The following RBFOX1 variants were observed in gnomAD, a reference collection of about 807,000 sequenced individuals.
RBFOX1 encodes RNA binding protein fox-1 homolog 1.
Under a neutral mutation model 57.7 loss-of-function variants are expected in RBFOX1, and 8 were observed. That is an observed-to-expected ratio of 0.14 (90% CI 0.08 to 0.25). The LOEUF is 0.25. RBFOX1 is among the 10% of genes least tolerant of loss of function. The pLI, the probability that RBFOX1 is intolerant of heterozygous loss-of-function variation, is 1.00. For missense variants in RBFOX1, 611 were observed against 548.5 expected, an observed-to-expected ratio of 1.11 and a Z score of -1.14; for synonymous variants, 326 against 222.4, an observed-to-expected ratio of 1.47 and a Z score of -4.15.
chr16:7,307,561 G>GTGT (rs1176207669), intron 4 of RBFOX1, among the ~76,000 whole-genome samples: 1 of 152,206 alleles, frequency 6.6e-6, no homozygotes, highest in Non-Finnish European at 1.5e-5. Flanking sequence ...ATCTAGATAA[G>GTGT]TGTTTACTTA....
In RBFOX1 at chr16:6,238,417, A is replaced by G. The variant is rs575112150; in HGVS notation, c.-126-78578A>G. On this transcript the variant is annotated intron_variant, in intron 1 of 15. Coordinates refer to ENST00000550418, the MANE Select transcript of RBFOX1 (RefSeq NM_018723.4). ...TTATTTCTGATACTGGAGAATTTAAATAGTGACTCTCCTCGTAGGATGCCT... is the reference window on the plus strand; with the variant it reads ...TTATTTCTGATACTGGAGAATTTAAGTAGTGACTCTCCTCGTAGGATGCCT... 9.8e-5 allele frequency among the ~76,000 whole-genome samples: 15 copies of G among 152,314 alleles called. No individual in the cohort carries two copies. The East Asian group carries it at 1.9e-3, about 20-fold the overall frequency.
intron 3 of RBFOX1, among the ~76,000 whole-genome samples, chr16:5,693,798 A>G (rs1242357409): frequency 2.6e-5 from 4 of 152,182 alleles, no homozygotes; most frequent in African/African-American, 4.8e-5. Context: ...TCTTATAAGT[A>G]GGCAACTTCT....
intron 3 of RBFOX1, among the ~76,000 whole-genome samples, chr16:6,784,709 A>G (rs1487596258): frequency 1.3e-5 from 2 of 150,670 alleles, no homozygotes; most frequent in East Asian, 3.9e-4. Context: ...TTTTTTTTAT[A>G]AAGGTGCTTT....
intron 3 of RBFOX1, among the ~76,000 whole-genome samples, chr16:6,838,228 T>C (rs1174083535): frequency 6.6e-6 from 1 of 152,058 alleles, no homozygotes; most frequent in Non-Finnish European, 1.5e-5. Context: ...CTTCCCTGTG[T>C]CCATGTGTTA....
At chr16:6,983,369 C>T (rs1461512998) in intron 3 of RBFOX1, among the ~76,000 whole-genome samples, 1 of 150,574 alleles carries the variant, frequency 6.6e-6, no homozygotes, top group Non-Finnish European at 1.5e-5. Context: ...GGGGGGTGGT[C>T]TTTGAAAAAG....
At chr16:7,685,288 A>G (rs957671572) in intron 14 of RBFOX1, among the ~76,000 whole-genome samples, 1 of 152,074 alleles carries the variant, frequency 6.6e-6, no homozygotes, top group Non-Finnish European at 1.5e-5. Context: ...TTTTATTACC[A>G]TTGCCTCTCT....
chr16:6,235,206 A>G (rs2097496274), intron 1 of RBFOX1, among the ~76,000 whole-genome samples: 1 of 152,042 alleles, frequency 6.6e-6, no homozygotes, highest in African/African-American at 2.4e-5. Flanking sequence ...TGACCTGTCC[A>G]CCTGGCTTTG....
chr16:6,673,403 C>T (rs1001181725), intron 3 of RBFOX1, among the ~76,000 whole-genome samples: 1 of 152,032 alleles, frequency 6.6e-6, no homozygotes, highest in African/African-American at 2.4e-5. Context: ...GCCTGGTCAA[C>T]ATGGCAAAAC....
chr16:7,608,121 GA>G, intron 10 of RBFOX1, among the ~76,000 whole-genome samples: 1 of 152,220 alleles, frequency 6.6e-6, no homozygotes, highest in Non-Finnish European at 1.5e-5. Flanking sequence ...CTATTTAAAA[GA>G]AGTCTTTCTT....
At chr16:6,920,451 A>T (rs1333443127) in intron 3 of RBFOX1, among the ~76,000 whole-genome samples, 1 of 152,162 alleles carries the variant, frequency 6.6e-6, no homozygotes, top group Non-Finnish European at 1.5e-5. Context: ...TTGATACGAA[A>T]AAGTTAGATG....
Position 5,920,734 on chromosome 16 carries a change from C to T in RBFOX1, c.351+53399C>T, listed in dbSNP as rs555515910. 3.9e-5 allele frequency among the ~76,000 whole-genome samples: 6 copies of T among 152,262 alleles called. No individual in the cohort carries two copies. In the East Asian group the frequency reaches 1.2e-3, roughly 29 times the overall value. On this transcript the variant is annotated intron_variant, in intron 4 of 19. Transcript: ENST00000641259. ...CAGGGCCGTCCCTAGACAATGATGTCGGTGTGGGATCTGAACTGGAATTAA... is the reference window on the plus strand; with the variant it reads ...CAGGGCCGTCCCTAGACAATGATGTTGGTGTGGGATCTGAACTGGAATTAA...
chr16:7,519,905 A>T (rs528185096), intron 5 of RBFOX1: 1 of 227,458 alleles, frequency 4.4e-6, no homozygotes, highest in African/African-American at 2.3e-5. Flanking sequence ...TGTTTTTTTG[A>T]GATGGGGTCT....
chr16:6,879,497 G>A (rs1567686666), intron 3 of RBFOX1, among the ~76,000 whole-genome samples: 1 of 151,866 alleles, frequency 6.6e-6, no homozygotes, highest in Non-Finnish European at 1.5e-5. Context: ...GACCTTAATT[G>A]CAATTTACAA....
chr16:6,718,372 G>A (rs1429071711), intron 3 of RBFOX1, among the ~76,000 whole-genome samples: 2 of 152,186 alleles, frequency 1.3e-5, no homozygotes, highest in Non-Finnish European at 1.5e-5. Context: ...TGATAAGGAA[G>A]TAACTCTAGC....
At chr16:6,672,857 G>A (rs930932313) in intron 3 of RBFOX1, among the ~76,000 whole-genome samples, 1 of 152,142 alleles carries the variant, frequency 6.6e-6, no homozygotes, top group Non-Finnish European at 1.5e-5. Context: ...TATCTCTGAT[G>A]TTATGGGTCA....
At chr16:6,133,368 T>C (rs1010778727) in intron 1 of RBFOX1, among the ~76,000 whole-genome samples, 3 of 152,178 alleles carry the variant, frequency 2.0e-5, no homozygotes, top group African/African-American at 7.2e-5. Flanking sequence ...TTTTAGTGCC[T>C]ATCAGGCATG....
intron 3 of RBFOX1, among the ~76,000 whole-genome samples, chr16:6,793,131 G>C (rs1480710082): frequency 6.6e-6 from 1 of 152,156 alleles, no homozygotes; most frequent in East Asian, 1.9e-4. Context: ...GCTGTCACCA[G>C]ATTTGGGTAT....
intron 4 of RBFOX1, among the ~76,000 whole-genome samples, chr16:7,116,741 C>G (rs1261290881): frequency 1.3e-5 from 2 of 152,136 alleles, no homozygotes; most frequent in African/African-American, 2.4e-5. Context: ...CTGGAGATGT[C>G]CGACCTGCAT....
chr16:7,204,383 T>C (rs1210609889), intron 4 of RBFOX1, among the ~76,000 whole-genome samples: 1 of 150,804 alleles, frequency 6.6e-6, no homozygotes, highest in African/African-American at 2.4e-5. Flanking sequence ...GGCATATACC[T>C]GAAATCCCAG....
Sources: allele counts gnomAD v4.1 joint callset (sites outside exome capture counted in the v4.1 genomes callset), GRCh38; gene constraint gnomAD v4.1.1; transcripts MANE v1.5; gene names NCBI Gene and HGNC (gene_info 2026-07-23, HGNC 2026-07-21).